GDNF: variants seen among roughly 807,000 people sequenced by gnomAD.
GDNF encodes glial cell line-derived neurotrophic factor.
A neutral mutation model predicts 13.7 loss-of-function variants in GDNF; 5 were observed. The ratio of observed to expected loss-of-function variants is 0.36; its 90% confidence interval spans 0.19 to 0.77. GDNF has a LOEUF of 0.77. Ranked by LOEUF, GDNF falls within the 30% of genes least tolerant of loss-of-function variation. GDNF has a pLI of 0.51. For synonymous variants in GDNF, 122 were observed against 112.5 expected, an observed-to-expected ratio of 1.08 and a Z score of -0.53; for missense variants, 246 against 274.3, an observed-to-expected ratio of 0.90 and a Z score of 0.73.
rs1337455149 is a variant in GDNF at position 37,813,841 on chromosome 5, G to A, written c.*1810C>T. Reference sequence around the variant, plus strand: ...GCTTTCCAAAGTGTTGGGATTATGGGTGTGAGCCGCTGCACTGGCCCCGAC... The same window carrying A: ...GCTTTCCAAAGTGTTGGGATTATGGATGTGAGCCGCTGCACTGGCCCCGAC... On this transcript the variant is annotated 3_prime_UTR_variant, in exon 3 of 3. Transcript: ENST00000326524. 1 of 152,924 alleles carries A rather than the reference G, an allele frequency of 6.5e-6. No individual in the cohort carries two copies. The highest frequency in any genetic ancestry group is 1.5e-5 in the Non-Finnish European group (1 of 68,320). The allele number at this position is 152,924 out of a possible 1,614,324, so 9.5% of individuals were successfully genotyped here. A position where few individuals can be genotyped will look rare whatever the true frequency, so the allele number is the denominator to read the frequency against.
intron 1 of GDNF, 36 bp from the exon 2 acceptor site, chr5:37,834,858 C>G (rs575046003): frequency 1.9e-6 from 3 of 1,595,040 alleles, no homozygotes; most frequent in East Asian, 4.5e-5. Context: ...GAGAGAACCG[C>G]AGAATGCACG....
At chr5:37,831,189 GT>G (rs59333598) in intron 2 of GDNF, among the ~76,000 whole-genome samples, 6,412 of 152,228 alleles carry the variant, frequency 0.042, 300 homozygotes, top group African/African-American at 0.11. Flanking sequence ...ATTTTAGTTG[GT>G]TTCCAGTTGC....
intron 2 of GDNF, among the ~76,000 whole-genome samples, chr5:37,829,862 TG>T (rs1267404840): frequency 6.6e-6 from 1 of 152,236 alleles, no homozygotes; most frequent in African/African-American, 2.4e-5. Context: ...ATGAGAATAT[TG>T]GTCTCAGATC....
rs777755467 is a variant in GDNF, at chr5:37,837,286, C to T, written c.-27+2221G>A. ...CATGGGCCTTTGCCCGCGGTGCAAA[C>T]TGCTTTACGCGCCGCCACGTGCGAG... On this transcript the variant is annotated intron_variant, in intron 1 of 2. Coordinates refer to ENST00000326524, the MANE Select transcript of GDNF (RefSeq NM_000514.4). The surrounding 1 kb of genome is among the most constrained non-coding windows in gnomAD (Gnocchi z 6.5). 1.3e-5 allele frequency among the ~76,000 whole-genome samples: 2 copies of T among 152,238 alleles called. No homozygotes were observed. The highest frequency in any genetic ancestry group is 4.8e-5 in the African/African-American group (2 of 41,472).
At chr5:37,822,028 G>A (rs1468437825) in intron 2 of GDNF, among the ~76,000 whole-genome samples, 1 of 152,210 alleles carries the variant, frequency 6.6e-6, no homozygotes, top group Non-Finnish European at 1.5e-5. Flanking sequence ...GGCCAGGCAG[G>A]GAGTCTAAGC....
At chr5:37,829,287 T>C (rs1750436207) in intron 2 of GDNF, among the ~76,000 whole-genome samples, 1 of 152,108 alleles carries the variant, frequency 6.6e-6, no homozygotes. Context: ...CAAACACCCA[T>C]CTTTCAAGTA....
Position 37,838,550 on chromosome 5 carries a change from G to T in GDNF, c.-27+957C>A, listed in dbSNP as rs1414285758. ...AGAAGGGTCGCGAGCTCTGGGATGG[G>T]TAAGCCCCCCGGGGGCGCGCACATG... is the stretch of plus-strand genomic sequence containing the variant. On this transcript the variant is annotated intron_variant, in intron 1 of 2. Coordinates refer to ENST00000326524, the MANE Select transcript of GDNF (RefSeq NM_000514.4). The surrounding 1 kb of genome is among the most constrained non-coding windows in gnomAD (Gnocchi z 4.1). 6.6e-6 allele frequency among the ~76,000 whole-genome samples: 1 copy of T among 152,228 alleles called. No homozygotes were observed. The highest frequency in any genetic ancestry group is 2.4e-5 in the African/African-American group (1 of 41,462).
In GDNF at chr5:37,839,141, G is replaced by A. The variant is rs1750809937; in HGVS notation, c.-27+366C>T. On this transcript the variant is annotated intron_variant, in intron 1 of 2. Coordinates refer to ENST00000326524, the MANE Select transcript of GDNF (RefSeq NM_000514.4). This position sits in a 1 kb window ranked among gnomAD's most constrained non-coding sequence, Gnocchi z 5.5. ...CGTCCAGAGAGGACACATTTCGACG[G>A]CGGTGGGTTCGAAGATGACCCAAGC... Among the ~76,000 whole-genome samples, 1 of 152,188 alleles carries A rather than the reference G, an allele frequency of 6.6e-6. No individual in the cohort carries two copies. The highest frequency in any genetic ancestry group is 1.5e-5 in the Non-Finnish European group (1 of 68,046).
At chr5:37,825,220 C>A (rs982154809) in intron 2 of GDNF, among the ~76,000 whole-genome samples, 1 of 152,198 alleles carries the variant, frequency 6.6e-6, no homozygotes, top group Non-Finnish European at 1.5e-5. Flanking sequence ...TCCATCAATA[C>A]AAACAGCCAG....
intron 2 of GDNF, among the ~76,000 whole-genome samples, chr5:37,832,807 G>C (rs1004028820): frequency 2.6e-5 from 4 of 152,148 alleles, no homozygotes; most frequent in African/African-American, 9.7e-5. Context: ...CAGATGCCTG[G>C]GCCACACCCC....
At chr5:37,832,586 T>A (rs1051642540) in intron 2 of GDNF, among the ~76,000 whole-genome samples, 46 of 152,210 alleles carry the variant, frequency 3.0e-4, no homozygotes, top group African/African-American at 1.1e-3. Context: ...GTAGTGAGAA[T>A]CTTGTTCACT....
chr5:37,816,703 A>G (rs1749942490), intron 2 of GDNF, among the ~76,000 whole-genome samples: 1 of 152,204 alleles, frequency 6.6e-6, no homozygotes, highest in Non-Finnish European at 1.5e-5. Context: ...ACACCGTCTT[A>G]GAGGGTGAAA....
At chr5:37,833,699 C>G (rs1750602019) in intron 2 of GDNF, among the ~76,000 whole-genome samples, 1 of 152,080 alleles carries the variant, frequency 6.6e-6, no homozygotes, top group African/African-American at 2.4e-5. Context: ...GGAAGAGTAG[C>G]CAGGGTGGTA....
intron 2 of GDNF, among the ~76,000 whole-genome samples, chr5:37,817,436 G>A (rs1160304297): frequency 3.3e-5 from 5 of 152,102 alleles, no homozygotes; most frequent in Admixed American, 3.3e-4. Context: ...GTCAGCAAGA[G>A]TAAATGTTTT....
At position 37,813,998 on chromosome 5, in the gene GDNF, T is replaced by A. The variant is rs1749818443; in HGVS notation, c.*1653A>T. On this transcript the variant is annotated 3_prime_UTR_variant, in exon 3 of 3. Transcript: ENST00000326524. ...CAGGGAGCTGTCAGGTGTTTGGGTATATAGGAGCAGCAGCTGTTGACCCCC... is the reference window on the plus strand; with the variant it reads ...CAGGGAGCTGTCAGGTGTTTGGGTAAATAGGAGCAGCAGCTGTTGACCCCC... 1 of 152,770 alleles carries A rather than the reference T, an allele frequency of 6.5e-6. No individual in the cohort carries two copies. The highest frequency in any genetic ancestry group is 1.5e-5 in the Non-Finnish European group (1 of 68,194). 9.5% of individuals were successfully genotyped at this position (152,770 alleles called of 1,614,324 possible).
rs1308642442 is a variant in GDNF, at chr5:37,838,283, C to T, written c.-27+1224G>A. ...CGGCGGACTTCCCAGAGATCGGACACTTGTTACTTGTTGAAAAGGCGCCAC... is the reference window on the plus strand; with the variant it reads ...CGGCGGACTTCCCAGAGATCGGACATTTGTTACTTGTTGAAAAGGCGCCAC... On this transcript the variant is annotated intron_variant, in intron 1 of 2. Transcript: ENST00000326524. This position sits in a 1 kb window ranked among gnomAD's most constrained non-coding sequence, Gnocchi z 4.1. 6.6e-6 allele frequency among the ~76,000 whole-genome samples: 1 copy of T among 152,130 alleles called. No homozygotes were observed. The highest frequency in any genetic ancestry group is 2.4e-5 in the African/African-American group (1 of 41,410).
At chr5:37,819,954 T>C (rs554221288) in intron 2 of GDNF, among the ~76,000 whole-genome samples, 1 of 152,102 alleles carries the variant, frequency 6.6e-6, no homozygotes, top group Non-Finnish European at 1.5e-5. Flanking sequence ...TAAATACAGA[T>C]GTGCCCAGTT....
At position 37,838,814 on chromosome 5, in the gene GDNF, C is replaced by T. The variant is rs1394453035; in HGVS notation, c.-27+693G>A. On this transcript the variant is annotated intron_variant, in intron 1 of 2. Coordinates refer to ENST00000326524, the MANE Select transcript of GDNF (RefSeq NM_000514.4). This position sits in a 1 kb window ranked among gnomAD's most constrained non-coding sequence, Gnocchi z 4.1. ...AAAGGGGTCATTAAAATAATAACCT[C>T]AATGGCCTAGTGGAGTCTCAAGAAT... Among the ~76,000 whole-genome samples the T allele has an allele frequency of 2.0e-5, 3 of 152,156 alleles. No homozygotes were observed. Among genetic ancestry groups the T allele is most frequent in the Non-Finnish European group, 4.4e-5 (3 of 68,026 alleles).
At chr5:37,834,962 C>A in intron 1 of GDNF, 140 bp from the exon 2 acceptor site, 1 of 713,886 alleles carries the variant, frequency 1.4e-6, no homozygotes, top group South Asian at 1.9e-5. Flanking sequence ...TCCTCGGGCA[C>A]TCCTGCCCTC....
Sources: gnomAD v4.1 joint callset for allele counts (sites outside exome capture counted in the v4.1 genomes callset) on GRCh38, gnomAD v4.1.1 for gene constraint, Gnocchi (gnomAD v3.1) non-coding constraint, MANE v1.5 for transcripts, NCBI Gene and HGNC (gene_info 2026-07-23, HGNC 2026-07-21) for gene names.